The following IMPA2 variants were observed in gnomAD, a reference collection of about 807,000 sequenced individuals.
The protein encoded by IMPA2 is inositol monophosphatase 2.
A neutral mutation model predicts 35.1 loss-of-function variants in IMPA2; 32 were observed. The observed-to-expected ratio is 0.91, with a 90% confidence interval of 0.69 to 1.23. The LOEUF (loss-of-function observed/expected upper bound fraction) is 1.23. Ranked by LOEUF, IMPA2 falls within the 50% of genes most tolerant of loss-of-function variation. The probability of loss-of-function intolerance (pLI) is 0.00; values close to 1 mark genes in which losing one functional copy is unlikely to be tolerated. For synonymous variants in IMPA2, 135 were observed against 160.6 expected, an observed-to-expected ratio of 0.84 and a Z score of 1.20; for missense variants, 334 against 387.6, an observed-to-expected ratio of 0.86 and a Z score of 1.16.
chr18:12,027,190 A>C (rs1327304635), intron 5 of IMPA2, among the ~76,000 whole-genome samples: 3 of 152,202 alleles, frequency 2.0e-5, no homozygotes, highest in Non-Finnish European at 4.4e-5. Context: ...ACATGACCGA[A>C]GTTTGGCTGT....
At chr18:12,029,108 G>GTTT (rs1158665365) in intron 7 of IMPA2, 115 bp downstream of exon 7, 2,728 of 265,706 alleles carry the variant, frequency 0.01, 9 homozygotes, top group African/African-American at 0.017. Context: ...CAGAGTTTCT[G>GTTT]TTTTTTTTTT....
intron 2 of IMPA2, among the ~76,000 whole-genome samples, chr18:12,005,895 C>T (rs761381933): frequency 5.9e-5 from 9 of 152,214 alleles, no homozygotes; most frequent in Non-Finnish European, 1.2e-4. Flanking sequence ...TTGCACATTC[C>T]TCCTCAGTTT....
intron 1 of IMPA2, among the ~76,000 whole-genome samples, chr18:11,998,277 C>G (rs1426580129): frequency 2.5e-4 from 38 of 152,228 alleles, no homozygotes; most frequent in Non-Finnish European, 7.3e-5. Flanking sequence ...CTCTTTATCC[C>G]TTCCTGTTTG....
intron 5 of IMPA2, among the ~76,000 whole-genome samples, chr18:12,027,837 C>A (rs527535903): frequency 7.9e-5 from 12 of 151,942 alleles, no homozygotes; most frequent in Admixed American, 2.6e-4. Context: ...GTTCCCTAGC[C>A]TCCCAAAGTG....
At chr18:12,016,437 T>C (rs1007437165) in intron 5 of IMPA2, among the ~76,000 whole-genome samples, 11 of 151,842 alleles carry the variant, frequency 7.2e-5, no homozygotes, top group African/African-American at 2.4e-4. Context: ...TTTTTTTTTT[T>C]TTTTCTGAGA....
chr18:11,989,321 G>T (rs1219423782), intron 1 of IMPA2, among the ~76,000 whole-genome samples: 1 of 152,222 alleles, frequency 6.6e-6, no homozygotes, highest in Non-Finnish European at 1.5e-5. Flanking sequence ...GGAGGCAGGA[G>T]GGGGAGAGGA....
intron 5 of IMPA2, among the ~76,000 whole-genome samples, chr18:12,022,975 A>G (rs1458407897): frequency 1.8e-4 from 4 of 22,428 alleles, no homozygotes; most frequent in Non-Finnish European, 5.2e-4. Context: ...TTGTACTTTT[A>G]GTAGTGACAG....
In IMPA2 at chr18:11,989,540, C is replaced by T. The variant is rs182769741; in HGVS notation, c.96+7775C>T. Reference sequence around the variant, plus strand: ...GGTGGGGTGGGGGTCGGTACATGGTCTCCAAGGGTCCGAGGCCCACTGCTC... The same window carrying T: ...GGTGGGGTGGGGGTCGGTACATGGTTTCCAAGGGTCCGAGGCCCACTGCTC... On this transcript the variant is annotated intron_variant, in intron 1 of 7. Coordinates refer to ENST00000269159, the MANE Select transcript of IMPA2 (RefSeq NM_014214.3). Among the ~76,000 whole-genome samples, 4 of 152,318 alleles carry T rather than the reference C, an allele frequency of 2.6e-5. No individual in the cohort carries two copies. In the East Asian group the frequency reaches 7.7e-4, roughly 29 times the overall value.
intron 1 of IMPA2, among the ~76,000 whole-genome samples, chr18:11,990,899 G>C (rs668223): frequency 6.6e-6 from 1 of 151,976 alleles, no homozygotes; most frequent in Non-Finnish European, 1.5e-5. Flanking sequence ...CATCTTTAAC[G>C]TGGAGAATAA....
At chr18:11,987,431 A>C (rs887763870) in intron 1 of IMPA2, among the ~76,000 whole-genome samples, 9 of 152,140 alleles carry the variant, frequency 5.9e-5, no homozygotes, top group African/African-American at 1.7e-4. Flanking sequence ...CCCGAGTTCA[A>C]GTGATTCTCC....
At chr18:12,005,930 A>T (rs530800410) in intron 2 of IMPA2, among the ~76,000 whole-genome samples, 10 of 152,320 alleles carry the variant, frequency 6.6e-5, no homozygotes, top group African/African-American at 2.4e-4. Flanking sequence ...TTTGTGCCTG[A>T]GTCATTTCTA....
chr18:12,030,524 C>T lies in IMPA2; in HGVS notation c.*66C>T, dbSNP rs142061631. 4.1e-4 allele frequency: 537 copies of T among 1,300,198 alleles called. 2 individuals are homozygous for T. The African/African-American group carries it at 6.6e-3, about 16-fold the overall frequency. 80.5% of individuals were successfully genotyped at this position (1,300,198 alleles called of 1,614,324 possible). A position where few individuals can be genotyped will look rare whatever the true frequency, so the allele number is the denominator to read the frequency against. ...TGCTGTGGGCTCCTGGGGAGGTGGC[C>T]CTCGTGGCCCACGCTCCATGCCAGT... On this transcript the variant is annotated 3_prime_UTR_variant, in exon 8 of 8. Transcript: ENST00000269159.
At chr18:12,017,272 C>T (rs896598202) in intron 5 of IMPA2, among the ~76,000 whole-genome samples, 3 of 152,212 alleles carry the variant, frequency 2.0e-5, no homozygotes, top group African/African-American at 7.2e-5. Context: ...TCGTGTGTGT[C>T]CACCAGCTCC....
At chr18:12,027,959 G>A (rs1295994083) in intron 5 of IMPA2, 84 bp from the exon 6 acceptor site, 1 of 821,398 alleles carries the variant, frequency 1.2e-6, no homozygotes, top group Non-Finnish European at 2.1e-6. Flanking sequence ...CTCTGAGAAA[G>A]AAAGGCTCAC....
rs887596223 is a variant in IMPA2 at position 12,003,221 on chromosome 18, A to T, written c.230+4034A>T. On this transcript the variant is annotated intron_variant, in intron 2 of 7. Transcript: ENST00000269159. ...AAAAAATAAAAAATAAATAAATAAA[A>T]TTGCTTCTGTCACTGGCCCTAGCAG... Among the ~76,000 whole-genome samples, 6 of 151,994 alleles carry T rather than the reference A, an allele frequency of 3.9e-5. No homozygotes were observed. The South Asian group carries it at 1.0e-3, about 26-fold the overall frequency.
intron 5 of IMPA2, among the ~76,000 whole-genome samples, chr18:12,020,319 A>C (rs1049819686): frequency 6.7e-6 from 1 of 148,800 alleles, no homozygotes; most frequent in Non-Finnish European, 1.5e-5. Flanking sequence ...TCAGCCTCCC[A>C]AGTAGCTGGA....
At chr18:12,009,609 T>TCCC (rs1907375775) in intron 2 of IMPA2, among the ~76,000 whole-genome samples, 1 of 152,164 alleles carries the variant, frequency 6.6e-6, no homozygotes, top group African/African-American at 2.4e-5. Flanking sequence ...ACGCTTGCAT[T>TCCC]TCTCTGCCTG....
At chr18:11,994,254 T>C (rs606370) in intron 1 of IMPA2, 67,916 of 151,386 alleles carry the variant, frequency 0.45, 17,263 homozygotes, top group African/African-American at 0.69. Flanking sequence ...TGCGTGCTTG[T>C]AGTTGCAGCT....
intron 2 of IMPA2, among the ~76,000 whole-genome samples, chr18:12,003,258 C>G (rs1014814600): frequency 6.6e-6 from 1 of 152,156 alleles, no homozygotes; most frequent in African/African-American, 2.4e-5. Flanking sequence ...TTTGGCAAAT[C>G]TCACCACTTA....
Sources: gnomAD v4.1 joint callset for allele counts (sites outside exome capture counted in the v4.1 genomes callset) on GRCh38, gnomAD v4.1.1 for gene constraint, MANE v1.5 for transcripts, NCBI Gene and HGNC (gene_info 2026-07-23, HGNC 2026-07-21) for gene names.